Variants in TAFA2 observed in about 807,000 individuals in gnomAD.
TAFA2 encodes the protein TAFA chemokine like family member 2.
Under a neutral mutation model 18.8 loss-of-function variants are expected in TAFA2, and 7 were observed. The ratio of observed to expected loss-of-function variants is 0.37; its 90% CI spans 0.21 to 0.70. The LOEUF (loss-of-function observed/expected upper bound fraction) is 0.70, where lower values mean the gene tolerates loss of function less well. TAFA2 is among the 30% of genes least tolerant of loss of function. TAFA2 has a pLI of 0.53. For missense variants in TAFA2, 122 were observed against 158.1 expected (o/e 0.77, Z 1.23); for synonymous variants, 60 against 54.2 (o/e 1.11, Z -0.47).
At chr12:61,842,520 T>G (rs1473402257) in intron 2 of TAFA2, among the ~76,000 whole-genome samples, 4 of 152,040 alleles carry the variant, frequency 2.6e-5, no homozygotes, top group Non-Finnish European at 5.9e-5. Context: ...CTAAGTTTAT[T>G]CAGGTTTGTG....
At chr12:62,087,438 G>C (rs1868502344) in intron 1 of TAFA2, among the ~76,000 whole-genome samples, 1 of 152,150 alleles carries the variant, frequency 6.6e-6, no homozygotes, top group Non-Finnish European at 1.5e-5. Flanking sequence ...AGAGTACTCA[G>C]TGGAAATGAC....
chr12:62,180,150 T>C (rs1253544888), intron 1 of TAFA2, among the ~76,000 whole-genome samples: 1 of 152,210 alleles, frequency 6.6e-6, no homozygotes, highest in Non-Finnish European at 1.5e-5. Context: ...CAATTCCATG[T>C]ATTGATTTTA....
chr12:62,045,425 A>G (rs1055553284), intron 1 of TAFA2, among the ~76,000 whole-genome samples: 1 of 152,150 alleles, frequency 6.6e-6, no homozygotes. Context: ...ATAAGACAAA[A>G]ATCCAGATTT....
At chr12:62,217,028 A>T (rs576845251) in intron 1 of TAFA2, among the ~76,000 whole-genome samples, 1 of 152,340 alleles carries the variant, frequency 6.6e-6, no homozygotes, top group East Asian at 1.9e-4. Context: ...AATGAAACAA[A>T]TTATTGTATC....
chr12:61,822,858 T>C (rs1393709604), intron 2 of TAFA2, among the ~76,000 whole-genome samples: 1 of 152,132 alleles, frequency 6.6e-6, no homozygotes, highest in Non-Finnish European at 1.5e-5. Flanking sequence ...TTGAAAGAAA[T>C]ACTAACATAT....
chr12:61,797,472 A>G (rs1871234266), intron 2 of TAFA2, among the ~76,000 whole-genome samples: 1 of 152,138 alleles, frequency 6.6e-6, no homozygotes, highest in Non-Finnish European at 1.5e-5. Context: ...TGGAAGTTGG[A>G]TGGATTTATA....
intron 1 of TAFA2, among the ~76,000 whole-genome samples, chr12:61,992,537 G>A (rs960687713): frequency 2.0e-5 from 3 of 152,100 alleles, no homozygotes; most frequent in African/African-American, 7.2e-5. Context: ...ATAGCAGCTA[G>A]AGTGAGCCTT....
intron 1 of TAFA2, among the ~76,000 whole-genome samples, chr12:62,017,371 T>C (rs547874375): frequency 6.6e-6 from 1 of 152,330 alleles, no homozygotes; most frequent in East Asian, 1.9e-4. Flanking sequence ...TTGTTATAAA[T>C]AGTCTGAACT....
At position 61,749,993 on chromosome 12, in the gene TAFA2, C is replaced by CCCCCCACA. The variant is rs1555161293; in HGVS notation, c.384+3628_384+3629insTGTGGGGG. The stretch of plus-strand genomic sequence containing the variant: ...CACGAAGAAAGAATATCAAAACACC[C>CCCCCCACA]CACACACACACACACACACACAGAA... On this transcript the variant is annotated intron_variant, in intron 4 of 4. Coordinates refer to ENST00000416284, the MANE Select transcript of TAFA2 (RefSeq NM_178539.5). Among the ~76,000 whole-genome samples, 1,476 of 148,858 alleles carry CCCCCCACA rather than the reference C, an allele frequency of 9.9e-3. 27 individuals carry two copies. The highest frequency in any genetic ancestry group is 0.035 in the African/African-American group (1,406 of 40,516).
chr12:62,105,359 T>C (rs1197898211), intron 1 of TAFA2, among the ~76,000 whole-genome samples: 2 of 152,220 alleles, frequency 1.3e-5, no homozygotes, highest in African/African-American at 2.4e-5. Context: ...TAAGCCTTTG[T>C]TTTCCTGCCT....
chr12:62,149,779 G>A (rs1378739270), intron 1 of TAFA2, among the ~76,000 whole-genome samples: 1 of 151,922 alleles, frequency 6.6e-6, no homozygotes, highest in Non-Finnish European at 1.5e-5. Context: ...CTCTCACTCA[G>A]CCACAAAAAT....
At chr12:62,059,129 A>ATGTGTGTGTGTG (rs1565730990) in intron 1 of TAFA2, among the ~76,000 whole-genome samples, 44 of 76,872 alleles carry the variant, frequency 5.7e-4, no homozygotes, top group African/African-American at 2.2e-3. Flanking sequence ...ATATATATAT[A>ATGTGTGTGTGTG]TGTGTGTATA....
intron 1 of TAFA2, among the ~76,000 whole-genome samples, chr12:61,988,763 A>G (rs1879900352): frequency 6.6e-6 from 1 of 152,152 alleles, no homozygotes; most frequent in South Asian, 2.1e-4. Context: ...ACCCCTGCAA[A>G]CATACTTCAG....
chr12:62,200,941 T>C (rs532039115), intron 1 of TAFA2, among the ~76,000 whole-genome samples: 6 of 152,338 alleles, frequency 3.9e-5, no homozygotes, highest in Admixed American at 2.6e-4. Flanking sequence ...GTAGTTCTCC[T>C]TGAAGAGGTC....
At chr12:61,987,805 C>G (rs2136684490) in intron 1 of TAFA2, among the ~76,000 whole-genome samples, 1 of 152,174 alleles carries the variant, frequency 6.6e-6, no homozygotes, top group Non-Finnish European at 1.5e-5. Flanking sequence ...GGATGTTGCC[C>G]CATAACAGAG....
chr12:62,242,345 T>A (rs1349098380), intron 1 of TAFA2: 1 of 151,522 alleles, frequency 6.6e-6, no homozygotes, highest in Non-Finnish European at 1.5e-5. Flanking sequence ...AAAGGAAAAA[T>A]GAACAAGATA....
chr12:61,818,657 G>C (rs1303052913), intron 2 of TAFA2, among the ~76,000 whole-genome samples: 1 of 151,984 alleles, frequency 6.6e-6, no homozygotes, highest in Non-Finnish European at 1.5e-5. Flanking sequence ...TCCTTACTGG[G>C]GTCCCTGAGA....
chr12:61,885,737 A>C (rs1390456641), intron 1 of TAFA2, among the ~76,000 whole-genome samples: 1 of 152,218 alleles, frequency 6.6e-6, no homozygotes, highest in East Asian at 1.9e-4. Context: ...AATAATTTGA[A>C]GTTCTCTGCT....
intron 1 of TAFA2, among the ~76,000 whole-genome samples, chr12:61,883,156 G>C (rs1255541360): frequency 6.6e-6 from 1 of 152,128 alleles, no homozygotes; most frequent in Non-Finnish European, 1.5e-5. Context: ...TTTGGGGTTT[G>C]ATGATAACAT....
Sources: gnomAD v4.1 joint callset for allele counts (sites outside exome capture counted in the v4.1 genomes callset) on GRCh38, gnomAD v4.1.1 for gene constraint, MANE v1.5 for transcripts, NCBI Gene and HGNC (gene_info 2026-07-23, HGNC 2026-07-21) for gene names.